Variants in SYT9 observed in about 807,000 individuals in gnomAD.
SYT9 encodes the protein synaptotagmin 9, also known as synaptotagmin-9.
Under a neutral mutation model 48.4 loss-of-function variants are expected in SYT9, and 22 were observed. The observed-to-expected ratio is 0.45, with a 90% CI of 0.32 to 0.65. SYT9 has a LOEUF of 0.65. Among genes scored for constraint, SYT9 ranks in the 30% least tolerant of loss-of-function variants. The pLI is 0.03. For missense variants in SYT9, 577 were observed against 622.0 expected, an observed-to-expected ratio of 0.93 and a Z score of 0.77; for synonymous variants, 265 against 245.0, an observed-to-expected ratio of 1.08 and a Z score of -0.76.
chr11:7,409,909 T>G (rs1302611651), intron 3 of SYT9, among the ~76,000 whole-genome samples: 1 of 152,176 alleles, frequency 6.6e-6, no homozygotes, highest in Non-Finnish European at 1.5e-5. Context: ...TTATTCTTGC[T>G]TTTGTGGTTC....
At chr11:7,358,037 G>T (rs910177916) in intron 3 of SYT9, among the ~76,000 whole-genome samples, 3 of 152,042 alleles carry the variant, frequency 2.0e-5, no homozygotes, top group Non-Finnish European at 4.4e-5. Flanking sequence ...TGGCTTTTAG[G>T]ACTTTATACT....
In SYT9 at chr11:7,417,947, GT is replaced by G. The variant is rs1847282579; in HGVS notation, c.1166-9del. On this transcript the variant is annotated splice_polypyrimidine_tract_variant and intron_variant, in intron 4 of 6. Coordinates refer to ENST00000318881, the MANE Select transcript of SYT9 (RefSeq NM_175733.4). ...CCTCACAGTACTCCTGCTTCTCATG[GT>G]CTGTCCAGATCCCTATGTGAAAGTC... 2 of 1,611,168 alleles carry G rather than the reference GT, an allele frequency of 1.2e-6. No individual in the cohort carries two copies. The highest frequency in any genetic ancestry group is 2.2e-5 in the South Asian group (2 of 90,608).
chr11:7,455,704 G>A (rs10128576), intron 6 of SYT9, among the ~76,000 whole-genome samples: 50,570 of 152,014 alleles, frequency 0.33, 9,712 homozygotes, highest in African/African-American at 0.52. Context: ...CACCATTGGA[G>A]AAAGAAAGGA....
At chr11:7,378,249 G>A (rs139387435) in intron 3 of SYT9, among the ~76,000 whole-genome samples, 1 of 152,238 alleles carries the variant, frequency 6.6e-6, no homozygotes, top group African/African-American at 2.4e-5. Flanking sequence ...AGTTTAGCCT[G>A]ATTGGAGAAT....
At chr11:7,346,381 G>A (rs1317958888) in intron 3 of SYT9, among the ~76,000 whole-genome samples, 1 of 152,232 alleles carries the variant, frequency 6.6e-6, no homozygotes, top group African/African-American at 2.4e-5. Context: ...CGGATGGCAC[G>A]AATGGATGGG....
chr11:7,256,633 C>G (rs1313734701), intron 1 of SYT9, among the ~76,000 whole-genome samples: 1 of 152,192 alleles, frequency 6.6e-6, no homozygotes. Flanking sequence ...GACCTACTTT[C>G]TCTCTTCTGT....
At chr11:7,342,701 C>T (rs771563455) in intron 3 of SYT9, among the ~76,000 whole-genome samples, 10 of 152,196 alleles carry the variant, frequency 6.6e-5, no homozygotes, top group Non-Finnish European at 1.5e-4. Flanking sequence ...GACAGTGACC[C>T]TCTTCTCACA....
intron 3 of SYT9, among the ~76,000 whole-genome samples, chr11:7,359,937 C>A (rs1589971031): frequency 6.6e-6 from 1 of 151,902 alleles, no homozygotes; most frequent in South Asian, 2.1e-4. Context: ...ATGCCTATGT[C>A]CTGAATGGTA....
intron 6 of SYT9, among the ~76,000 whole-genome samples, chr11:7,430,238 A>G (rs1471672327): frequency 6.6e-6 from 1 of 152,214 alleles, no homozygotes; most frequent in Non-Finnish European, 1.5e-5. Context: ...ACCTTAGATA[A>G]AATTCAGGAT....
At chr11:7,272,507 A>G (rs1431972583) in intron 1 of SYT9, among the ~76,000 whole-genome samples, 1 of 151,712 alleles carries the variant, frequency 6.6e-6, no homozygotes, top group Non-Finnish European at 1.5e-5. Context: ...TGCATACCTT[A>G]AGTGACAATG....
At chr11:7,288,520 A>T (rs1258234207) in intron 1 of SYT9, among the ~76,000 whole-genome samples, 2 of 152,170 alleles carry the variant, frequency 1.3e-5, no homozygotes, top group Non-Finnish European at 2.9e-5. Context: ...ATTACCCCTT[A>T]TCTGTCCACA....
At chr11:7,385,167 G>A (rs10769784) in intron 3 of SYT9, among the ~76,000 whole-genome samples, 131,847 of 152,076 alleles carry the variant, frequency 0.87, 57,606 homozygotes, top group Non-Finnish European at 0.93. Flanking sequence ...CTCATTGTCT[G>A]TCTTCACACA....
intron 3 of SYT9, among the ~76,000 whole-genome samples, chr11:7,395,118 C>T (rs943479616): frequency 2.0e-5 from 3 of 151,924 alleles, no homozygotes; most frequent in East Asian, 1.9e-4. Flanking sequence ...ACCCATCACC[C>T]GAGCGGTATA....
chr11:7,402,304 A>T (rs1226816353), intron 3 of SYT9, among the ~76,000 whole-genome samples: 1 of 152,010 alleles, frequency 6.6e-6, no homozygotes, highest in Non-Finnish European at 1.5e-5. Context: ...CTGTTGTAGG[A>T]TGGAGTATTG....
intron 6 of SYT9, among the ~76,000 whole-genome samples, chr11:7,443,441 G>C (rs1381304134): frequency 6.6e-6 from 1 of 152,266 alleles, no homozygotes; most frequent in East Asian, 1.9e-4. Flanking sequence ...TTAGGGGGTA[G>C]AAGGAGTGAA....
intron 3 of SYT9, among the ~76,000 whole-genome samples, chr11:7,318,786 T>C (rs549968928): frequency 7.9e-5 from 12 of 152,332 alleles, no homozygotes; most frequent in Admixed American, 7.8e-4. Context: ...GATTTTCTAA[T>C]TTTGAGCCAA....
chr11:7,262,469 A>C (rs191962708), intron 1 of SYT9, among the ~76,000 whole-genome samples: 11 of 152,196 alleles, frequency 7.2e-5, no homozygotes, highest in Admixed American at 7.2e-4. Flanking sequence ...AGTGAATGGG[A>C]GAGTGAAGGG....
chr11:7,257,061 G>A (rs1235689378), intron 1 of SYT9, among the ~76,000 whole-genome samples: 1 of 152,146 alleles, frequency 6.6e-6, no homozygotes, highest in South Asian at 2.1e-4. Flanking sequence ...TTAAATCACA[G>A]TCTCTGGGAA....
At chr11:7,338,147 G>A (rs1027628493) in intron 3 of SYT9, among the ~76,000 whole-genome samples, 13 of 152,230 alleles carry the variant, frequency 8.5e-5, no homozygotes, top group Non-Finnish European at 1.5e-4. Context: ...ATGTGTGTGC[G>A]TAGAGGTGTT....
Sources: allele counts gnomAD v4.1 joint callset (sites outside exome capture counted in the v4.1 genomes callset), GRCh38; gene constraint gnomAD v4.1.1; transcripts MANE v1.5; gene names NCBI Gene and HGNC (gene_info 2026-07-23, HGNC 2026-07-21).